PLEKHG5: variants seen among roughly 807,000 people sequenced by gnomAD.
PLEKHG5 encodes the protein pleckstrin homology and RhoGEF domain containing G5.
PLEKHG5 carries 52 observed loss-of-function variants against 103.8 expected under a neutral mutation model. That is an observed-to-expected ratio of 0.50 (90% CI 0.40 to 0.63). The LOEUF is 0.63. Ranked by LOEUF, PLEKHG5 falls within the 30% of genes least tolerant of loss-of-function variation. The pLI, the probability that PLEKHG5 is intolerant of heterozygous loss-of-function variation, is 0.00. For synonymous variants in PLEKHG5, 592 were observed against 575.5 expected, an observed-to-expected ratio of 1.03 and a Z score of -0.41; for missense variants, 1,205 against 1,347.6, an observed-to-expected ratio of 0.89 and a Z score of 1.66.
In PLEKHG5 at chr1:6,480,373, C is replaced by CA. The variant is rs549722165; in HGVS notation, c.-87-2716dup. Reference sequence around the variant, plus strand: ...GTGAAACCCCGTCTCTACTAAAATACAAAAAAATTAGCCAGTCGTGGCAGC... The same window carrying CA: ...GTGAAACCCCGTCTCTACTAAAATACAAAAAAAATTAGCCAGTCGTGGCAGC... On this transcript the variant is annotated intron_variant, in intron 1 of 20. Coordinates refer to ENST00000377728, the MANE Select transcript of PLEKHG5 (RefSeq NM_020631.6). Among the ~76,000 whole-genome samples the CA allele has an allele frequency of 1.0e-3, 155 of 151,822 alleles. 1 individual carries two copies. The highest frequency in any genetic ancestry group is 3.7e-3 in the African/African-American group (152 of 41,424).
rs1320975938 is a variant in PLEKHG5, at chr1:6,490,174, AC to A, written c.-88+1462del. On this transcript the variant is annotated intron_variant, in intron 1 of 20. Transcript: ENST00000377728. This position sits in a 1 kb window ranked among gnomAD's most constrained non-coding sequence, Gnocchi z 8.0. ...TCCAGGATCCCCCTGCCCCGCCAAT[AC>A]CCCCCATACCGGGGCCAGGGTCCCA... 1.3e-5 allele frequency among the ~76,000 whole-genome samples: 2 copies of A among 149,374 alleles called. No individual in the cohort carries two copies. The highest frequency in any genetic ancestry group is 3.0e-5 in the Non-Finnish European group (2 of 67,288).
At chr1:6,511,470 C>T (rs1278497132) in intron 1 of PLEKHG5, among the ~76,000 whole-genome samples, 4 of 152,244 alleles carry the variant, frequency 2.6e-5, no homozygotes, top group Non-Finnish European at 5.9e-5. Context: ...CCGCTTGGAG[C>T]CTGGCAAGCC....
intron 1 of PLEKHG5, chr1:6,485,723 C>G (rs1258629028): frequency 2.8e-6 from 1 of 353,746 alleles, no homozygotes; most frequent in Non-Finnish European, 4.3e-6. Context: ...TGCCCAGACC[C>G]GGGGACTCCA....
Position 6,475,057 on chromosome 1 carries a change from T to A in PLEKHG5, c.292A>T (p.Lys98Ter), listed in dbSNP as rs770771316. ...CCCATCAAGCCCTACCCCAGTGACT[T>A]CTTCTTCATGGCTGGGACGATCTCT... ...ETEIVPAMKK[K>*]SLGEVLLPVF... The change falls in exon 5 of 21, where the codon AAG becomes TAG. Residue 98 changes from lysine (K) to a stop codon, truncating the protein, a stop_gained. Coordinates refer to ENST00000377728, the MANE Select transcript of PLEKHG5 (RefSeq NM_020631.6). LOFTEE classifies it high-confidence loss of function. The A allele has an allele frequency of 3.7e-6, 6 of 1,601,906 alleles. No individual in the cohort carries two copies. The highest frequency in any genetic ancestry group is 4.5e-5 in the East Asian group (2 of 44,798).
intron 2 of PLEKHG5, 63 bp from the exon 3 acceptor site, chr1:6,476,099 C>CAGG: frequency 1.4e-6 from 2 of 1,411,722 alleles, no homozygotes; most frequent in South Asian, 1.2e-5. Context: ...AGCATGGCTG[C>CAGG]CTCCAGAGGG....
At chr1:6,481,974 C>T (rs557677768) in intron 1 of PLEKHG5, among the ~76,000 whole-genome samples, 1 of 151,526 alleles carries the variant, frequency 6.6e-6, no homozygotes, top group Non-Finnish European at 1.5e-5. Context: ...TCCTGTCCTG[C>T]TCTTCCATCC....
At chr1:6,514,129 C>T (rs182471223) in intron 1 of PLEKHG5, among the ~76,000 whole-genome samples, 2 of 152,242 alleles carry the variant, frequency 1.3e-5, no homozygotes, top group Admixed American at 1.3e-4. Context: ...CAAGACCAGA[C>T]TGGACAACAT....
chr1:6,494,338 C>T (rs1210025434), upstream of PLEKHG5, among the ~76,000 whole-genome samples: 1 of 151,724 alleles, frequency 6.6e-6, no homozygotes, highest in Non-Finnish European at 1.5e-5. Context: ...GCCATGTTGG[C>T]CAGGCTGGTC....
In PLEKHG5 at chr1:6,519,503, T is replaced by C. The variant is rs747482923; in HGVS notation, c.-223A>G. The C allele has an allele frequency of 6.2e-6, 10 of 1,613,766 alleles. 1 individual carries two copies. In the African/African-American group the frequency reaches 1.2e-4, roughly 19 times the overall value. On this transcript the variant is annotated 5_prime_UTR_variant, in exon 1 of 22. Coordinates refer to the PLEKHG5 transcript ENST00000377740. ...GTGGAGACCCATGTTTTGTCAGGAC[T>C]GAATTCATGCTTGACCTCTGCGGTG...
upstream of PLEKHG5, among the ~76,000 whole-genome samples, chr1:6,498,159 T>C (rs919606357): frequency 2.0e-5 from 3 of 152,158 alleles, no homozygotes; most frequent in African/African-American, 4.8e-5. Context: ...GGGGGCTCAG[T>C]GCTCCTGAGC....
rs57004721 is a variant in PLEKHG5 at position 6,504,845 on chromosome 1, A to G, written c.-164-8276T>C. ...CGGCCTCCCAAAGTGCTGGGATTAC[A>G]GGCATGAGCCACCGTGCCCAGCCTA... is the stretch of plus-strand genomic sequence containing the variant. On this transcript the variant is annotated intron_variant, in intron 1 of 21. Transcript: ENST00000377740. Among the ~76,000 whole-genome samples the G allele has an allele frequency of 9.6e-3, 1,467 of 152,212 alleles. 25 individuals carry two copies. Among genetic ancestry groups the G allele is most frequent in the African/African-American group, 0.035 (1,434 of 41,530 alleles).
chr1:6,468,462 T>C lies in PLEKHG5; in HGVS notation c.2374A>G (p.Thr792Ala). The change falls in exon 20 of 21, where the codon ACT becomes GCT. Residue 792 changes from threonine (T) to alanine (A), a missense_variant. By Grantham distance (58) the Thr-to-Ala change is moderately conservative (BLOSUM62 0). Transcript: ENST00000377728. The part of the protein sequence containing the change: ...SQSDETSLST[T>A]ASSATPTSEL... ...CTGGTGGGCGTGGCAGATGAGGCAG[T>C]GGTGCTGAGAGAGGTCTCATCAGAC... 1.9e-6 allele frequency: 3 copies of C among 1,612,836 alleles called. No homozygotes were observed.
intron 1 of PLEKHG5, among the ~76,000 whole-genome samples, chr1:6,508,175 C>A (rs1371450551): frequency 1.8e-5 from 1 of 54,248 alleles, no homozygotes; most frequent in African/African-American, 5.6e-5. Context: ...CCTGCTGCAG[C>A]GGTCACCTGG....
At position 6,476,420 on chromosome 1, in the gene PLEKHG5, T is replaced by C. The variant is rs551779507; in HGVS notation, c.44-384A>G. On this transcript the variant is annotated intron_variant, in intron 2 of 20. Coordinates refer to ENST00000377728, the MANE Select transcript of PLEKHG5 (RefSeq NM_020631.6). ...GTTGGCCAGGCTGTTCTCAAACTCC[T>C]GACCTGAAGTGATCCACCCACCTCA... Among the ~76,000 whole-genome samples the C allele has an allele frequency of 2.0e-5, 3 of 152,324 alleles. No individual in the cohort carries two copies. The East Asian group carries it at 5.8e-4, about 29-fold the overall frequency.
intron 2 of PLEKHG5, among the ~76,000 whole-genome samples, chr1:6,476,372 T>C (rs1039277949): frequency 3.3e-5 from 5 of 152,048 alleles, no homozygotes; most frequent in Admixed American, 2.6e-4. Flanking sequence ...TTTGTATTTT[T>C]AGTAATGACA....
At position 6,474,273 on chromosome 1, in the gene PLEKHG5, C is replaced by G; in HGVS notation, c.440-109G>C. 4 of 1,423,894 alleles carry G rather than the reference C, an allele frequency of 2.8e-6. No individual in the cohort carries two copies. In the South Asian group the frequency reaches 4.9e-5, roughly 17 times the overall value. 88.2% of individuals were successfully genotyped at this position (1,423,894 alleles called of 1,614,324 possible). A position where few individuals can be genotyped will look rare whatever the true frequency, so the allele number is the denominator to read the frequency against. On this transcript the variant is annotated intron_variant, in intron 6 of 20. Transcript: ENST00000377728. ...ACACCAAGGCCTGCCTGCCCTCCCC[C>G]GACAGCCCCGCCCTGCCAGCACCCT...
At chr1:6,474,211 AG>A (rs777795475) in intron 6 of PLEKHG5, 47 bp from the exon 7 acceptor site, 2 of 1,606,958 alleles carry the variant, frequency 1.2e-6, no homozygotes, top group East Asian at 4.5e-5. Flanking sequence ...GGTCTGGTGG[AG>A]GAGGGGGTCC....
rs117491149 is a variant in PLEKHG5 at position 6,515,914 on chromosome 1, C to T, written c.-165+3531G>A. The stretch of plus-strand genomic sequence containing the variant: ...AAGGAGTCACCTGACTAGTCATGCC[C>T]CTCATATCTCAGGGACATGGACATG... On this transcript the variant is annotated intron_variant, in intron 1 of 21. Coordinates refer to the PLEKHG5 transcript ENST00000377740. 6.5e-4 allele frequency among the ~76,000 whole-genome samples: 99 copies of T among 152,222 alleles called. No homozygotes were observed. The East Asian group carries it at 0.019, about 29-fold the overall frequency.
At chr1:6,508,644 C>T (rs565239521) in intron 1 of PLEKHG5, among the ~76,000 whole-genome samples, 39 of 152,382 alleles carry the variant, frequency 2.6e-4, no homozygotes, top group African/African-American at 8.9e-4. Context: ...ACGAGCGATG[C>T]CGCTGACAAA....
Sources: allele counts gnomAD v4.1 joint callset (sites outside exome capture counted in the v4.1 genomes callset), GRCh38; gene constraint gnomAD v4.1.1; non-coding constraint Gnocchi (gnomAD v3.1); transcripts MANE v1.5; gene names NCBI Gene and HGNC (gene_info 2026-07-23, HGNC 2026-07-21).